The following DCC variants were observed in gnomAD, a reference collection of about 807,000 sequenced individuals.
DCC encodes netrin receptor DCC.
Under a neutral mutation model 172.5 loss-of-function variants are expected in DCC, and 58 were observed. The ratio of observed to expected loss-of-function variants is 0.34; its 90% CI spans 0.27 to 0.42. The LOEUF is 0.42. Ranked by LOEUF, DCC falls within the 10% of genes least tolerant of loss-of-function variation. The pLI is 1.00. For synonymous variants in DCC, 709 were observed against 644.5 expected (o/e 1.10, Z -1.52); for missense variants, 1,740 against 1,791.0 (o/e 0.97, Z 0.51).
chr18:53,405,553 A>G (rs766574350), intron 19 of DCC, among the ~76,000 whole-genome samples: 2 of 152,208 alleles, frequency 1.3e-5, no homozygotes, highest in Non-Finnish European at 2.9e-5. Context: ...GTGAGGCTTT[A>G]CTAATGTGCT....
chr18:53,439,058 C>T (rs1453690922), intron 22 of DCC, among the ~76,000 whole-genome samples: 1 of 152,150 alleles, frequency 6.6e-6, no homozygotes, highest in Non-Finnish European at 1.5e-5. Flanking sequence ...ACTGGAATAA[C>T]AAATTATTTC....
chr18:52,935,277 T>G (rs974759745), intron 5 of DCC, among the ~76,000 whole-genome samples: 1 of 152,146 alleles, frequency 6.6e-6, no homozygotes, highest in Non-Finnish European at 1.5e-5. Context: ...TCCTTTCATC[T>G]TATTTTTGTT....
At chr18:52,569,119 C>T (rs112680059) in intron 1 of DCC, among the ~76,000 whole-genome samples, 6 of 152,166 alleles carry the variant, frequency 3.9e-5, no homozygotes, top group African/African-American at 9.6e-5. Context: ...CAGGATTTAC[C>T]GGATGTTTAT....
At chr18:52,715,502 A>G (rs918775360) in intron 1 of DCC, among the ~76,000 whole-genome samples, 32 of 152,146 alleles carry the variant, frequency 2.1e-4, no homozygotes, top group African/African-American at 7.7e-4. Flanking sequence ...ACAGGGTTTT[A>G]CCATGTTGGC....
At chr18:53,039,958 CAT>C (rs1434413893) in intron 5 of DCC, among the ~76,000 whole-genome samples, 7 of 151,936 alleles carry the variant, frequency 4.6e-5, no homozygotes, top group African/African-American at 1.2e-4. Flanking sequence ...CAATGCCTAA[CAT>C]GTGGGTGCTC....
At chr18:52,714,222 T>A (rs1227641547) in intron 1 of DCC, among the ~76,000 whole-genome samples, 2 of 152,218 alleles carry the variant, frequency 1.3e-5, no homozygotes, top group South Asian at 4.1e-4. Flanking sequence ...ATGGCAATGA[T>A]AATTGCATTA....
At chr18:52,345,779 T>C (rs1983851735) in intron 1 of DCC, among the ~76,000 whole-genome samples, 1 of 151,928 alleles carries the variant, frequency 6.6e-6, no homozygotes, top group Admixed American at 6.6e-5. Context: ...TCATGCATGC[T>C]GCTTTTGGTG....
At chr18:53,066,353 G>GTATGTATGTATATA (rs1202896480) in intron 7 of DCC, among the ~76,000 whole-genome samples, 187 bp downstream of exon 7, 1 of 94,606 alleles carries the variant, frequency 1.1e-5, no homozygotes, top group Non-Finnish European at 2.2e-5. Flanking sequence ...GTACATGTGT[G>GTATGTATGTATATA]TATATATATA....
At chr18:53,520,393 A>C (rs1258804974) in intron 27 of DCC, among the ~76,000 whole-genome samples, 2 of 152,080 alleles carry the variant, frequency 1.3e-5, no homozygotes, top group African/African-American at 4.8e-5. Flanking sequence ...ATTTTACATA[A>C]AAATGTTCAT....
chr18:52,364,153 A>G (rs1003328634), intron 1 of DCC, among the ~76,000 whole-genome samples: 6 of 152,292 alleles, frequency 3.9e-5, no homozygotes, highest in Admixed American at 3.3e-4. Context: ...TTTAAATACC[A>G]CACATTTTTT....
At chr18:52,598,127 A>C (rs887818077) in intron 1 of DCC, among the ~76,000 whole-genome samples, 1 of 152,174 alleles carries the variant, frequency 6.6e-6, no homozygotes, top group Non-Finnish European at 1.5e-5. Context: ...CTTAAGCAAG[A>C]TACTATATTG....
At chr18:52,373,880 G>C (rs1343735826) in intron 1 of DCC, among the ~76,000 whole-genome samples, 1 of 148,794 alleles carries the variant, frequency 6.7e-6, no homozygotes. Context: ...AGCATATTTG[G>C]TTGCATCATT....
intron 4 of DCC, 114 bp downstream of exon 4, chr18:52,923,971 T>C (rs2040162848): frequency 5.0e-6 from 4 of 792,282 alleles, no homozygotes; most frequent in Non-Finnish European, 8.7e-6. Flanking sequence ...TTCATAATAA[T>C]TGAATATTTT....
At chr18:52,673,596 C>T (rs1352068651) in intron 1 of DCC, among the ~76,000 whole-genome samples, 2 of 152,122 alleles carry the variant, frequency 1.3e-5, no homozygotes, top group African/African-American at 2.4e-5. Context: ...AAATTTTTTC[C>T]CTCCTTTTTT....
chr18:53,076,607 T>G (rs1326197339), intron 7 of DCC, among the ~76,000 whole-genome samples: 1 of 151,406 alleles, frequency 6.6e-6, no homozygotes, highest in Non-Finnish European at 1.5e-5. Context: ...TTCAATATAA[T>G]GAGGGATTCC....
chr18:52,515,534 G>T (rs932806490), intron 1 of DCC, among the ~76,000 whole-genome samples: 2 of 140,052 alleles, frequency 1.4e-5, no homozygotes, highest in Admixed American at 7.9e-5. Context: ...GTGAACCCAG[G>T]AGGCTGAGCT....
intron 12 of DCC, among the ~76,000 whole-genome samples, chr18:53,290,183 A>C (rs990856580): frequency 1.3e-5 from 2 of 152,216 alleles, no homozygotes; most frequent in African/African-American, 4.8e-5. Flanking sequence ...TTACCTGAAG[A>C]TCGAAGAGAG....
At chr18:53,328,648 C>A (rs944238964) in intron 14 of DCC, among the ~76,000 whole-genome samples, 3 of 152,122 alleles carry the variant, frequency 2.0e-5, no homozygotes, top group Non-Finnish European at 2.9e-5. Context: ...GATTCTCCTG[C>A]CTCAGCCTCC....
At chr18:52,905,106 T>C (rs928756820) in intron 2 of DCC, among the ~76,000 whole-genome samples, 14 of 152,154 alleles carry the variant, frequency 9.2e-5, no homozygotes, top group Non-Finnish European at 1.5e-4. Context: ...ACCATGCTTA[T>C]GCTTGTATGC....
Sources: gnomAD v4.1 joint callset for allele counts (sites outside exome capture counted in the v4.1 genomes callset) on GRCh38, gnomAD v4.1.1 for gene constraint, MANE v1.5 for transcripts, NCBI Gene and HGNC (gene_info 2026-07-23, HGNC 2026-07-21) for gene names.